PLXNC1: variants seen among roughly 807,000 people sequenced by gnomAD.
PLXNC1 encodes plexin-C1.
A neutral mutation model predicts 178.2 loss-of-function variants in PLXNC1; 75 were observed. The ratio of observed to expected loss-of-function variants is 0.42; its 90% confidence interval spans 0.35 to 0.51. The LOEUF (loss-of-function observed/expected upper bound fraction) is 0.51. Among genes scored for constraint, PLXNC1 ranks in the 20% least tolerant of loss-of-function variants. PLXNC1 has a pLI of 0.02. For synonymous variants in PLXNC1, 790 were observed against 779.9 expected (o/e 1.01, Z -0.22); for missense variants, 1,503 against 1,984.4 (o/e 0.76, Z 4.61).
At chr12:94,268,280 C>T (rs1267310297) in intron 21 of PLXNC1, among the ~76,000 whole-genome samples, 2 of 152,182 alleles carry the variant, frequency 1.3e-5, no homozygotes, top group African/African-American at 4.8e-5. Flanking sequence ...TACATGAAAT[C>T]ATGACACTAA....
At chr12:94,178,119 T>C (rs1042874732) in intron 2 of PLXNC1, among the ~76,000 whole-genome samples, 6 of 152,352 alleles carry the variant, frequency 3.9e-5, no homozygotes, top group Admixed American at 2.0e-4. Context: ...GGTTGTTCTA[T>C]TATCTAGAGC....
intron 2 of PLXNC1, among the ~76,000 whole-genome samples, chr12:94,179,740 CAAAAAAAAAAA>C (rs63329860): frequency 1.5e-4 from 12 of 80,312 alleles, no homozygotes; most frequent in African/African-American, 4.2e-4. Context: ...GACTCCATCT[CAAAAAAAAAAA>C]AAAAAAAAAA....
chr12:94,187,466 C>T (rs546968679), intron 4 of PLXNC1, among the ~76,000 whole-genome samples: 11 of 152,220 alleles, frequency 7.2e-5, no homozygotes, highest in African/African-American at 2.2e-4. Context: ...CGGGGGAAGG[C>T]GCAATCCGAG....
At position 94,303,788 on chromosome 12, in the gene PLXNC1, G is replaced by C. The variant is rs1441873247; in HGVS notation, c.4419G>C (p.Lys1473Asn). 6.3e-7 allele frequency: 1 copy of C among 1,591,040 alleles called. No homozygotes were observed. Among genetic ancestry groups the C allele is most frequent in the Non-Finnish European group, 8.5e-7 (1 of 1,170,352 alleles). Residue 1473 changes from lysine (K) to asparagine (N), a missense_variant, in exon 29 of 31, where the codon AAG becomes AAC. Physicochemically the swap from Lys to Asn is moderately conservative, Grantham distance 94 (BLOSUM62 0). Coordinates refer to ENST00000258526, the MANE Select transcript of PLXNC1 (RefSeq NM_005761.3). ...CAACTAATAAGCTTCTCTATGCCAAGGATATCCCAACCTACAAAGAAGAAG... is the reference window on the plus strand; with the variant it reads ...CAACTAATAAGCTTCTCTATGCCAACGATATCCCAACCTACAAAGAAGAAG... ...EAPTNKLLYA[K>N]DIPTYKEEVK...
chr12:94,294,209 G>A (rs1387359454), intron 23 of PLXNC1, among the ~76,000 whole-genome samples: 1 of 152,134 alleles, frequency 6.6e-6, no homozygotes, highest in Non-Finnish European at 1.5e-5. Context: ...CTGTCCCACA[G>A]GGTCCTGGCC....
intron 17 of PLXNC1, 99 bp downstream of exon 17, chr12:94,255,395 A>G (rs903066446): frequency 4.8e-6 from 4 of 825,730 alleles, no homozygotes; most frequent in East Asian, 5.0e-5. Flanking sequence ...CAAGGCAGCT[A>G]TAATGTGCTT....
chr12:94,248,695 A>T (rs1032915687), intron 14 of PLXNC1, among the ~76,000 whole-genome samples: 3 of 152,204 alleles, frequency 2.0e-5, no homozygotes, highest in Non-Finnish European at 4.4e-5. Context: ...ATACAGTAGG[A>T]TCGGCAAGCA....
chr12:94,264,954 C>A, intron 20 of PLXNC1, 125 bp from the exon 21 acceptor site: 1 of 935,250 alleles, frequency 1.1e-6, no homozygotes, highest in Non-Finnish European at 1.6e-6. Context: ...TTTTCTTGGG[C>A]GTTTCATGTT....
intron 20 of PLXNC1, chr12:94,262,764 G>T (rs118062982): frequency 4.3e-5 from 42 of 985,468 alleles, no homozygotes; most frequent in Non-Finnish European, 5.1e-5. Context: ...TGACCGCCAG[G>T]TAACTTTCCC....
intron 5 of PLXNC1, among the ~76,000 whole-genome samples, chr12:94,215,043 C>G (rs188154681): frequency 6.6e-6 from 1 of 152,016 alleles, no homozygotes; most frequent in Non-Finnish European, 1.5e-5. Flanking sequence ...ATTACAGGTG[C>G]CCACCACCAA....
intron 4 of PLXNC1, among the ~76,000 whole-genome samples, chr12:94,195,267 C>T (rs1367843883): frequency 6.6e-6 from 1 of 152,186 alleles, no homozygotes; most frequent in African/African-American, 2.4e-5. Context: ...CCTCCCACCC[C>T]ACCCTTCCTG....
chr12:94,283,584 C>G (rs1181050563), intron 23 of PLXNC1, among the ~76,000 whole-genome samples: 4 of 152,166 alleles, frequency 2.6e-5, no homozygotes, highest in Non-Finnish European at 5.9e-5. Flanking sequence ...AAATCAGTCT[C>G]CCTGAGCGTT....
intron 10 of PLXNC1, among the ~76,000 whole-genome samples, chr12:94,240,254 C>G (rs1397726263): frequency 6.6e-6 from 1 of 152,162 alleles, no homozygotes; most frequent in East Asian, 1.9e-4. Context: ...TTTCCCACTT[C>G]TAAGGGCAAT....
rs1344022319 is a variant in PLXNC1, at chr12:94,275,629, G to A, written c.3598-3843G>A. On this transcript the variant is annotated intron_variant, in intron 21 of 30. Coordinates refer to ENST00000258526, the MANE Select transcript of PLXNC1 (RefSeq NM_005761.3). ...AGCACTTTGGGAGGCCGAGGCGGGC[G>A]GATCACGAGGTCAGGAGATCGAGAC... 5.8e-5 allele frequency among the ~76,000 whole-genome samples: 5 copies of A among 86,460 alleles called. 1 individual carries two copies. The highest frequency in any genetic ancestry group is 5.7e-4 in the South Asian group (2 of 3,532). The allele number at this position is 86,460 out of a possible 152,430, so 56.7% of individuals were successfully genotyped here.
intron 4 of PLXNC1, among the ~76,000 whole-genome samples, chr12:94,197,254 T>C (rs754213063): frequency 6.6e-6 from 1 of 152,168 alleles, no homozygotes; most frequent in African/African-American, 2.4e-5. Flanking sequence ...AGTTCATGTA[T>C]TGGACACTTA....
chr12:94,227,433 A>T lies in PLXNC1; in HGVS notation c.1980+198A>T, dbSNP rs192808396. The T allele has an allele frequency of 2.9e-5, 13 of 446,252 alleles. No individual in the cohort carries two copies. The East Asian group carries it at 4.4e-4, about 15-fold the overall frequency. The allele number at this position is 446,252 out of a possible 1,614,324, so 27.6% of individuals were successfully genotyped here. A position where few individuals can be genotyped will look rare whatever the true frequency, so the allele number is the denominator to read the frequency against. ...AATGGCTGGACACTCACATAAAATA[A>T]ATTAAAACTCTGTAATTATGAAAAA... On this transcript the variant is annotated intron_variant, in intron 9 of 30. Coordinates refer to ENST00000258526, the MANE Select transcript of PLXNC1 (RefSeq NM_005761.3).
intron 4 of PLXNC1, among the ~76,000 whole-genome samples, chr12:94,206,221 C>G (rs1366126993): frequency 6.6e-6 from 1 of 151,516 alleles, no homozygotes; most frequent in Non-Finnish European, 1.5e-5. Context: ...CTGGGACCTT[C>G]CTGTTTATGA....
intron 26 of PLXNC1, among the ~76,000 whole-genome samples, chr12:94,297,637 C>T (rs1968064806): frequency 6.6e-6 from 1 of 152,156 alleles, no homozygotes; most frequent in Non-Finnish European, 1.5e-5. Flanking sequence ...ACTGTAGTAT[C>T]TTCAGTCAGG....
intron 1 of PLXNC1, among the ~76,000 whole-genome samples, chr12:94,164,665 A>G (rs1431639213): frequency 4.2e-3 from 9 of 2,138 alleles, no homozygotes; most frequent in African/African-American, 0.011. Context: ...CTCCCTGCAC[A>G]CACACACACA....
Sources: allele counts gnomAD v4.1 joint callset (sites outside exome capture counted in the v4.1 genomes callset), GRCh38; gene constraint gnomAD v4.1.1; transcripts MANE v1.5; gene names NCBI Gene and HGNC (gene_info 2026-07-23, HGNC 2026-07-21).